The following NFATC2 variants were observed in gnomAD, a reference collection of about 807,000 sequenced individuals.
The protein encoded by NFATC2 is nuclear factor of activated T-cells, cytoplasmic 2.
Under a neutral mutation model 87.3 loss-of-function variants are expected in NFATC2, and 22 were observed. The observed-to-expected ratio is 0.25, with a 90% CI of 0.18 to 0.36. The LOEUF (loss-of-function observed/expected upper bound fraction) is 0.36. Among genes scored for constraint, NFATC2 ranks in the 10% least tolerant of loss-of-function variants. The pLI, the probability that NFATC2 is intolerant of heterozygous loss-of-function variation, is 1.00. For synonymous variants in NFATC2, 565 were observed against 542.2 expected, an observed-to-expected ratio of 1.04 and a Z score of -0.58; for missense variants, 1,149 against 1,259.1, an observed-to-expected ratio of 0.91 and a Z score of 1.32.
rs574280353 is a variant in NFATC2 at position 51,534,709 on chromosome 20, C to CAT, written c.130+7659_130+7660dup. ...ATTTCACATACATCTTGTGCCTTTG[C>CAT]ATATATATACACACACTCGAACATT... On this transcript the variant is annotated intron_variant, in intron 1 of 10. Coordinates refer to ENST00000371564, the MANE Select transcript of NFATC2 (RefSeq NM_012340.5). Among the ~76,000 whole-genome samples the CAT allele has an allele frequency of 1.3e-3, 198 of 152,276 alleles. 1 individual carries two copies. The highest frequency in any genetic ancestry group is 4.6e-3 in the African/African-American group (192 of 41,546).
At chr20:51,402,854 G>C (rs556022312) in intron 9 of NFATC2, among the ~76,000 whole-genome samples, 17 of 151,508 alleles carry the variant, frequency 1.1e-4, no homozygotes, top group African/African-American at 4.2e-4. Context: ...AAAACCCCTG[G>C]CCTGGCTTCA....
intron 9 of NFATC2, among the ~76,000 whole-genome samples, chr20:51,425,899 T>C (rs565303522): frequency 1.1e-3 from 163 of 152,150 alleles, no homozygotes; most frequent in African/African-American, 3.8e-3. Flanking sequence ...TCCACACTCC[T>C]CCAGGGAGCC....
intron 3 of NFATC2, among the ~76,000 whole-genome samples, chr20:51,511,467 A>G (rs1469522389): frequency 6.6e-6 from 1 of 152,182 alleles, no homozygotes; most frequent in Non-Finnish European, 1.5e-5. Context: ...CTGAGCTCCA[A>G]GCTCATATAT....
chr20:51,472,310 C>T (rs542610297), intron 5 of NFATC2, among the ~76,000 whole-genome samples: 20 of 152,250 alleles, frequency 1.3e-4, no homozygotes, highest in Admixed American at 9.2e-4. Context: ...TATATTCCCA[C>T]GTGGAAATAC....
chr20:51,501,811 CA>C (rs1407836441), intron 3 of NFATC2, among the ~76,000 whole-genome samples: 4 of 152,312 alleles, frequency 2.6e-5, no homozygotes, highest in African/African-American at 9.6e-5. Context: ...TCTCCATCTC[CA>C]GTCAGCAAAC....
intron 9 of NFATC2, among the ~76,000 whole-genome samples, chr20:51,409,403 G>A (rs867742137): frequency 5.3e-5 from 8 of 152,142 alleles, no homozygotes; most frequent in African/African-American, 1.2e-4. Context: ...GCAGAGAAAA[G>A]GAAAGAATTA....
At chr20:51,410,209 C>CAAAAAAA (rs386393961) in intron 9 of NFATC2, among the ~76,000 whole-genome samples, 3 of 103,142 alleles carry the variant, frequency 2.9e-5, no homozygotes, top group African/African-American at 8.2e-5. Flanking sequence ...GACTCTGTCT[C>CAAAAAAA]AAAAAAAAAA....
intron 6 of NFATC2, among the ~76,000 whole-genome samples, chr20:51,454,095 C>A (rs1986130287): frequency 6.6e-6 from 1 of 152,110 alleles, no homozygotes. Flanking sequence ...TCCATGACAA[C>A]TTTATGGGGT....
At chr20:51,473,663 T>G (rs1007551709) in intron 5 of NFATC2, among the ~76,000 whole-genome samples, 1 of 152,206 alleles carries the variant, frequency 6.6e-6, no homozygotes, top group Non-Finnish European at 1.5e-5. Flanking sequence ...TCCAAATGCA[T>G]CTATCCTTTA....
intron 3 of NFATC2, among the ~76,000 whole-genome samples, chr20:51,497,343 AAAG>A (rs2076005915): frequency 6.6e-6 from 1 of 152,170 alleles, no homozygotes; most frequent in African/African-American, 2.4e-5. Context: ...ATAAATGCAA[AAAG>A]AAGATGCACG....
chr20:51,401,072 T>TAAATG (rs1181860353), intron 9 of NFATC2, among the ~76,000 whole-genome samples: 1 of 152,106 alleles, frequency 6.6e-6, no homozygotes, highest in African/African-American at 2.4e-5. Context: ...CACTGAGGAT[T>TAAATG]AAATGAGATG....
At chr20:51,402,895 C>T (rs968962608) in intron 9 of NFATC2, among the ~76,000 whole-genome samples, 3 of 152,186 alleles carry the variant, frequency 2.0e-5, no homozygotes, top group Non-Finnish European at 4.4e-5. Flanking sequence ...CCAACATGGC[C>T]CCTGATTCTT....
chr20:51,472,629 C>CTTTTTTTTTTTTTTTTTTTTT (rs1223762055), intron 5 of NFATC2, among the ~76,000 whole-genome samples: 18 of 92,726 alleles, frequency 1.9e-4, no homozygotes, highest in East Asian at 3.2e-4. Flanking sequence ...CTTCTTTCTT[C>CTTTTTTTTTTTTTTTTTTTTT]TTTTTTTTTT....
chr20:51,548,727 A>G (rs2076909110), intron 1 of NFATC2, among the ~76,000 whole-genome samples: 1 of 152,214 alleles, frequency 6.6e-6, no homozygotes, highest in African/African-American at 2.4e-5. Context: ...TTCTCACTAA[A>G]AAGCAGCTGA....
At chr20:51,481,630 C>A (rs1219943049) in intron 3 of NFATC2, among the ~76,000 whole-genome samples, 2 of 152,064 alleles carry the variant, frequency 1.3e-5, no homozygotes, top group African/African-American at 4.8e-5. Context: ...GGGGTGGGGG[C>A]CCAGGCTGCA....
chr20:51,394,384 CCCCCTCAGCACTGTTCCCT>C (rs984414466), intron 10 of NFATC2, among the ~76,000 whole-genome samples: 2 of 21,878 alleles, frequency 9.1e-5, no homozygotes, highest in Non-Finnish European at 1.6e-4. Context: ...TCTGTCTGTC[CCCCCTCAGCACTGTTCCCT>C]CCTCTTGTCT....
At chr20:51,487,881 T>C (rs3787195) in intron 3 of NFATC2, among the ~76,000 whole-genome samples, 15,967 of 152,042 alleles carry the variant, frequency 0.11, 879 homozygotes, top group Middle Eastern at 0.18. Context: ...TAAGATCCAG[T>C]TTCTTTCATT....
chr20:51,550,307 C>G (rs2076922302), intron 1 of NFATC2, among the ~76,000 whole-genome samples: 1 of 152,102 alleles, frequency 6.6e-6, no homozygotes, highest in Admixed American at 6.5e-5. Flanking sequence ...TAATAATAGG[C>G]CAAGCACGGT....
In NFATC2 at chr20:51,482,967, C is replaced by T. The variant is rs1028804280; in HGVS notation, c.1333-7307G>A. Among the ~76,000 whole-genome samples the T allele has an allele frequency of 6.6e-5, 10 of 152,320 alleles. 1 individual carries two copies. Among genetic ancestry groups the T allele is most frequent in the Admixed American group, 6.5e-4 (10 of 15,306 alleles). On this transcript the variant is annotated intron_variant, in intron 3 of 10. Coordinates refer to ENST00000371564, the MANE Select transcript of NFATC2 (RefSeq NM_012340.5). ...CCCAAGGCCAGTGAGGTCCCCAGGACACGCGATCTGAGGGGGCATTCACTA... is the reference window on the plus strand; with the variant it reads ...CCCAAGGCCAGTGAGGTCCCCAGGATACGCGATCTGAGGGGGCATTCACTA...
Sources: allele counts gnomAD v4.1 joint callset (sites outside exome capture counted in the v4.1 genomes callset), GRCh38; gene constraint gnomAD v4.1.1; transcripts MANE v1.5; gene names NCBI Gene and HGNC (gene_info 2026-07-23, HGNC 2026-07-21).